The following HECW2 variants were observed in gnomAD, a reference collection of about 807,000 sequenced individuals.
HECW2 encodes E3 ubiquitin-protein ligase HECW2.
In HECW2, 61 loss-of-function variants were observed where a neutral mutation model predicts 175.2. That is an observed-to-expected ratio of 0.35 (90% CI 0.28 to 0.43). The LOEUF is 0.43. Among genes scored for constraint, HECW2 ranks in the 20% least tolerant of loss-of-function variants. The pLI, the probability that HECW2 is intolerant of heterozygous loss-of-function variation, is 1.00. For synonymous variants in HECW2, 671 were observed against 731.0 expected (o/e 0.92, Z 1.32); for missense variants, 1,524 against 2,000.5 (o/e 0.76, Z 4.54).
At chr2:196,579,664 A>C (rs1690696636) in intron 1 of HECW2, among the ~76,000 whole-genome samples, 1 of 152,168 alleles carries the variant, frequency 6.6e-6, no homozygotes, top group Non-Finnish European at 1.5e-5. Context: ...AATGTAACTA[A>C]ATTTGGAGAT....
At position 196,317,669 on chromosome 2, in the gene HECW2, T is replaced by C. The variant is rs138008245; in HGVS notation, c.2339-300A>G. ...TAATGCTTTAGGGTCACATGGTGGC[T>C]ACAATATAATGAAGGAAACAAAATT... On this transcript the variant is annotated intron_variant, in intron 9 of 28. Coordinates refer to ENST00000644978, the MANE Select transcript of HECW2 (RefSeq NM_001348768.2). 5.9e-3 allele frequency among the ~76,000 whole-genome samples: 882 copies of C among 150,118 alleles called. 9 individuals carry two copies. The highest frequency in any genetic ancestry group is 0.021 in the Middle Eastern group (6 of 292).
chr2:196,266,422 G>A (rs1386770984), intron 17 of HECW2, among the ~76,000 whole-genome samples: 1 of 152,092 alleles, frequency 6.6e-6, no homozygotes, highest in African/African-American at 2.4e-5. Context: ...GAAAATAATA[G>A]TCTCAGTCCA....
rs578170468 is a variant in HECW2 at position 196,482,869 on chromosome 2, T to C, written c.-35-49411A>G. ...GGGATGCCCTATGTGACTCACTGGT[T>C]ACACATCGCAACACCAGCTCCACTT... On this transcript the variant is annotated intron_variant, in intron 1 of 28. Transcript: ENST00000644978. 7.9e-5 allele frequency among the ~76,000 whole-genome samples: 12 copies of C among 152,308 alleles called. No homozygotes were observed. The East Asian group carries it at 2.1e-3, about 27-fold the overall frequency.
intron 2 of HECW2, among the ~76,000 whole-genome samples, chr2:196,350,684 T>A (rs1693137762): frequency 6.6e-6 from 1 of 152,158 alleles, no homozygotes; most frequent in African/African-American, 2.4e-5. Context: ...AAGCATCTAT[T>A]TCCTGCCATA....
intron 1 of HECW2, among the ~76,000 whole-genome samples, chr2:196,476,278 T>C (rs1258479287): frequency 6.6e-6 from 1 of 152,002 alleles, no homozygotes; most frequent in Non-Finnish European, 1.5e-5. Context: ...ACCCCATCTC[T>C]ACTGAAAATA....
chr2:196,468,914 A>G (rs1223809680), intron 1 of HECW2, among the ~76,000 whole-genome samples: 1 of 152,172 alleles, frequency 6.6e-6, no homozygotes, highest in African/African-American at 2.4e-5. Flanking sequence ...GTCCTCCTAG[A>G]CAGCATTTAA....
At position 196,352,145 on chromosome 2, in the gene HECW2, C is replaced by T. The variant is rs574539091; in HGVS notation, c.293-8381G>A. Among the ~76,000 whole-genome samples, 282 of 152,186 alleles carry T rather than the reference C, an allele frequency of 1.9e-3. 1 individual carries two copies. Among genetic ancestry groups the T allele is most frequent in the Non-Finnish European group, 3.1e-3 (208 of 68,034 alleles). On this transcript the variant is annotated intron_variant, in intron 2 of 28. Transcript: ENST00000644978. ...TTAGCATTAGTTTTTAACACAATCT[C>T]CTTAGATGCCCAATTCTTTATATTA... is the stretch of plus-strand genomic sequence containing the variant.
intron 24 of HECW2, 92 bp from the exon 25 acceptor site, chr2:196,221,033 C>G: frequency 1.4e-6 from 2 of 1,388,004 alleles, no homozygotes; most frequent in Non-Finnish European, 2.0e-6. Context: ...AGCCAGCTAC[C>G]TGTCCCAGCC....
At chr2:196,464,618 C>T (rs745679582) in intron 1 of HECW2, among the ~76,000 whole-genome samples, 1 of 152,124 alleles carries the variant, frequency 6.6e-6, no homozygotes, top group African/African-American at 2.4e-5. Context: ...ATTGGCCATG[C>T]TCAAACCCGT....
intron 1 of HECW2, among the ~76,000 whole-genome samples, chr2:196,477,148 GAA>G (rs112273962): frequency 1.3e-4 from 14 of 104,350 alleles, no homozygotes; most frequent in African/African-American, 4.1e-4. Flanking sequence ...AGGGAAAAGC[GAA>G]AAAAAAAAAA....
intron 2 of HECW2, among the ~76,000 whole-genome samples, chr2:196,369,004 C>T (rs1575469597): frequency 6.6e-6 from 1 of 152,146 alleles, no homozygotes; most frequent in East Asian, 1.9e-4. Context: ...TTGGTGAGGT[C>T]ATGTTTTCCT....
chr2:196,509,534 G>A (rs962348628), intron 1 of HECW2, among the ~76,000 whole-genome samples: 2 of 152,148 alleles, frequency 1.3e-5, no homozygotes, highest in Non-Finnish European at 2.9e-5. Context: ...GCTACTAGGG[G>A]CTTCCAGGTA....
At chr2:196,210,459 G>A (rs1184329476) in intron 28 of HECW2, among the ~76,000 whole-genome samples, 3 of 152,036 alleles carry the variant, frequency 2.0e-5, no homozygotes, top group Admixed American at 6.6e-5. Flanking sequence ...AAGTACCTGG[G>A]ACTCCAAGCA....
chr2:196,503,598 G>A (rs1687646842), intron 1 of HECW2, among the ~76,000 whole-genome samples: 1 of 152,164 alleles, frequency 6.6e-6, no homozygotes, highest in Non-Finnish European at 1.5e-5. Context: ...TAGCAGCAAA[G>A]GGAAGGGAAA....
chr2:196,378,314 C>T (rs529690664), intron 2 of HECW2, among the ~76,000 whole-genome samples: 5 of 152,170 alleles, frequency 3.3e-5, no homozygotes, highest in African/African-American at 7.2e-5. Flanking sequence ...AAAAGAAACA[C>T]GGAAATGATA....
At chr2:196,400,437 T>C (rs530429801) in intron 2 of HECW2, among the ~76,000 whole-genome samples, 57 of 152,264 alleles carry the variant, frequency 3.7e-4, no homozygotes, top group African/African-American at 1.3e-3. Context: ...TAAGCTTAGG[T>C]ATTGTATTAA....
In HECW2 at chr2:196,326,579, G is replaced by C. The variant is rs1356340587; in HGVS notation, c.572-1430C>G. On this transcript the variant is annotated intron_variant, in intron 5 of 28. Transcript: ENST00000644978. Reference sequence around the variant, plus strand: ...ATACCTCAGCCTCCTGAGTAGCTGGGATTACAGGCACGTACCACCACACCC... The same window carrying C: ...ATACCTCAGCCTCCTGAGTAGCTGGCATTACAGGCACGTACCACCACACCC... 2.0e-5 allele frequency among the ~76,000 whole-genome samples: 3 copies of C among 151,858 alleles called. No homozygotes were observed. The East Asian group carries it at 5.8e-4, about 29-fold the overall frequency.
At chr2:196,406,016 CCTCA>C (rs1468841380) in intron 2 of HECW2, among the ~76,000 whole-genome samples, 1 of 152,106 alleles carries the variant, frequency 6.6e-6, no homozygotes, top group African/African-American at 2.4e-5. Flanking sequence ...TCATGGTTTT[CCTCA>C]CTGACTATTC....
intron 1 of HECW2, among the ~76,000 whole-genome samples, chr2:196,518,390 T>A (rs1336838637): frequency 6.6e-6 from 1 of 151,998 alleles, no homozygotes; most frequent in Admixed American, 6.6e-5. Flanking sequence ...GCGCGGTGGC[T>A]CACGACTGTA....
Sources: allele counts gnomAD v4.1 joint callset (sites outside exome capture counted in the v4.1 genomes callset), GRCh38; gene constraint gnomAD v4.1.1; transcripts MANE v1.5; gene names NCBI Gene and HGNC (gene_info 2026-07-23, HGNC 2026-07-21).